Variants in PDE10A observed in about 807,000 individuals in gnomAD.
The protein encoded by PDE10A is cAMP and cAMP-inhibited cGMP 3',5'-cyclic phosphodiesterase 10A.
PDE10A carries 39 observed loss-of-function variants against 97.7 expected under a neutral mutation model. That is an observed-to-expected ratio of 0.40 (90% confidence interval 0.31 to 0.52). The LOEUF (loss-of-function observed/expected upper bound fraction) is 0.52. Ranked by LOEUF, PDE10A falls within the 20% of genes least tolerant of loss-of-function variation. PDE10A has a pLI of 0.56. For missense variants in PDE10A, 731 were observed against 1,047.8 expected (o/e 0.70, Z 4.17); for synonymous variants, 371 against 376.8 (o/e 0.98, Z 0.18).
chr6:165,944,085 C>A (rs1783679208), intron 1 of PDE10A, among the ~76,000 whole-genome samples: 1 of 152,230 alleles, frequency 6.6e-6, no homozygotes, highest in African/African-American at 2.4e-5. Context: ...AAGCAAATGC[C>A]TCCTTCTTCA....
intron 17 of PDE10A, among the ~76,000 whole-genome samples, chr6:165,384,407 C>A (rs757263239): frequency 6.6e-6 from 1 of 152,134 alleles, no homozygotes; most frequent in Non-Finnish European, 1.5e-5. Flanking sequence ...AGCATTAAGG[C>A]ACAATGGGAA....
At chr6:165,560,424 A>T (rs1415114308) in intron 1 of PDE10A, among the ~76,000 whole-genome samples, 1 of 152,182 alleles carries the variant, frequency 6.6e-6, no homozygotes, top group African/African-American at 2.4e-5. Context: ...TCCAGAAGAG[A>T]ACTAAGTAAC....
rs188336507 is a variant in PDE10A at position 165,429,824 on chromosome 6, G to A, written c.1601+463C>T. 7.2e-5 allele frequency among the ~76,000 whole-genome samples: 11 copies of A among 151,882 alleles called. No individual in the cohort carries two copies. The East Asian group carries it at 7.7e-4, about 11-fold the overall frequency. ...GGGATTTTTTCTAGGCCAAACCAGCGAAATAAAACATTTTCTCAGAAATGA... is the reference window on the plus strand; with the variant it reads ...GGGATTTTTTCTAGGCCAAACCAGCAAAATAAAACATTTTCTCAGAAATGA... On this transcript the variant is annotated intron_variant, in intron 9 of 21. Coordinates refer to ENST00000539869, the MANE Select transcript of PDE10A (RefSeq NM_001385079.1).
rs536718081 is a variant in PDE10A at position 165,516,483 on chromosome 6, C to A, written c.994+26957G>T. ...TGCCCCTGTTTTTATGGACCTACAT[C>A]ATAGAACTTTCTACTACCATTGTAC... On this transcript the variant is annotated intron_variant, in intron 2 of 21. Coordinates refer to ENST00000539869, the MANE Select transcript of PDE10A (RefSeq NM_001385079.1). Among the ~76,000 whole-genome samples the A allele has an allele frequency of 2.6e-5, 4 of 152,244 alleles. No homozygotes were observed. The South Asian group carries it at 8.3e-4, about 32-fold the overall frequency.
At chr6:165,977,048 A>T (rs1201629415) in intron 1 of PDE10A, among the ~76,000 whole-genome samples, 2 of 152,254 alleles carry the variant, frequency 1.3e-5, no homozygotes, top group Non-Finnish European at 2.9e-5. Flanking sequence ...ATCTTGTTAC[A>T]GAACCTGTTA....
intron 1 of PDE10A, among the ~76,000 whole-genome samples, chr6:165,782,866 A>G (rs1778380695): frequency 6.6e-6 from 1 of 152,156 alleles, no homozygotes; most frequent in Non-Finnish European, 1.5e-5. Flanking sequence ...CCATTTCTGT[A>G]TGGGAACCGT....
chr6:165,435,796 G>A (rs1283686595), intron 5 of PDE10A, among the ~76,000 whole-genome samples: 1 of 152,072 alleles, frequency 6.6e-6, no homozygotes, highest in Non-Finnish European at 1.5e-5. Context: ...CAAGTGATTT[G>A]GTTACATTTT....
In PDE10A at chr6:165,571,970, A is replaced by T. The variant is rs887750100; in HGVS notation, c.866-28402T>A. 7.9e-5 allele frequency among the ~76,000 whole-genome samples: 12 copies of T among 152,262 alleles called. 1 individual carries two copies. Among genetic ancestry groups the T allele is most frequent in the African/African-American group, 2.9e-4 (12 of 41,472 alleles). On this transcript the variant is annotated intron_variant, in intron 1 of 21. Transcript: ENST00000539869. ...AAATGCTATGAGTAGAAACACAGGC[A>T]TCTAAGCTGTGCACCCTACTAACAT...
chr6:165,915,885 T>C (rs1247836190), intron 1 of PDE10A, among the ~76,000 whole-genome samples: 1 of 152,254 alleles, frequency 6.6e-6, no homozygotes, highest in Non-Finnish European at 1.5e-5. Flanking sequence ...TTGATGATTA[T>C]TGCTTTTACT....
chr6:165,484,426 G>A (rs1779783166), intron 2 of PDE10A, among the ~76,000 whole-genome samples: 1 of 152,228 alleles, frequency 6.6e-6, no homozygotes, highest in African/African-American at 2.4e-5. Context: ...TCCGCCTCCT[G>A]TCAGGTCAGC....
At chr6:165,550,908 T>C (rs1046778556) in intron 1 of PDE10A, among the ~76,000 whole-genome samples, 13 of 152,216 alleles carry the variant, frequency 8.5e-5, no homozygotes, top group Admixed American at 2.0e-4. Context: ...GAGATAAGTA[T>C]ATATACACAT....
At chr6:165,846,195 CA>C (rs1314419539) in intron 1 of PDE10A, among the ~76,000 whole-genome samples, 2 of 152,226 alleles carry the variant, frequency 1.3e-5, no homozygotes, top group Non-Finnish European at 2.9e-5. Flanking sequence ...TAGATACGGT[CA>C]TTTCACCTAC....
intron 1 of PDE10A, among the ~76,000 whole-genome samples, chr6:165,918,391 C>A (rs1380392786): frequency 6.6e-6 from 1 of 152,088 alleles, no homozygotes; most frequent in Non-Finnish European, 1.5e-5. Context: ...ATTTTCAAAC[C>A]AGAACATACT....
At chr6:165,425,770 C>CATATGTATGTGT (rs112669910) in intron 10 of PDE10A, among the ~76,000 whole-genome samples, 1 of 144,036 alleles carries the variant, frequency 6.9e-6, no homozygotes, top group African/African-American at 2.6e-5. Context: ...AAGGCATGAT[C>CATATGTATGTGT]GTGTGTGTGT....
chr6:165,557,882 G>A (rs745342019), intron 1 of PDE10A, among the ~76,000 whole-genome samples: 27 of 152,304 alleles, frequency 1.8e-4, no homozygotes, highest in Non-Finnish European at 2.8e-4. Flanking sequence ...CTGCAAGGTC[G>A]ATAAGGGTAC....
chr6:165,668,262 G>T (rs985507855), intron 1 of PDE10A, among the ~76,000 whole-genome samples: 2 of 152,164 alleles, frequency 1.3e-5, no homozygotes, highest in African/African-American at 4.8e-5. Flanking sequence ...TTGGCTGGGG[G>T]CTGAAATTAT....
intron 1 of PDE10A, among the ~76,000 whole-genome samples, chr6:165,735,234 G>A (rs925637323): frequency 1.3e-5 from 2 of 151,664 alleles, no homozygotes; most frequent in African/African-American, 4.8e-5. Flanking sequence ...TAGATAGACA[G>A]GTGGGTGGGT....
chr6:165,677,413 C>G (rs1002895912), intron 1 of PDE10A, among the ~76,000 whole-genome samples: 4 of 152,206 alleles, frequency 2.6e-5, no homozygotes, highest in Admixed American at 6.5e-5. Context: ...TAGTCACATA[C>G]AGTGAGCCCT....
chr6:165,812,643 G>T (rs537247552), intron 1 of PDE10A, among the ~76,000 whole-genome samples: 34 of 152,270 alleles, frequency 2.2e-4, no homozygotes, highest in African/African-American at 8.2e-4. Context: ...TTATGGTGTG[G>T]TGAAATATAA....
Sources: allele counts gnomAD v4.1 joint callset (sites outside exome capture counted in the v4.1 genomes callset), GRCh38; gene constraint gnomAD v4.1.1; transcripts MANE v1.5; gene names NCBI Gene and HGNC (gene_info 2026-07-23, HGNC 2026-07-21).